Variants in TDRD5 observed in about 807,000 individuals in gnomAD.
The protein encoded by TDRD5 is tudor domain-containing protein 5.
TDRD5 carries 41 observed loss-of-function variants against 120.6 expected under a neutral mutation model. The observed-to-expected ratio is 0.34, with a 90% CI of 0.26 to 0.44. The LOEUF is 0.44. Ranked by LOEUF, TDRD5 falls within the 20% of genes least tolerant of loss-of-function variation. The pLI, the probability that TDRD5 is intolerant of heterozygous loss-of-function variation, is 1.00. For missense variants in TDRD5, 1,006 were observed against 1,221.2 expected (o/e 0.82, Z 2.63); for synonymous variants, 430 against 433.7 (o/e 0.99, Z 0.11).
chr1:179,649,476 A>C (rs1678592336), intron 11 of TDRD5, among the ~76,000 whole-genome samples: 1 of 152,008 alleles, frequency 6.6e-6, no homozygotes, highest in Admixed American at 6.5e-5. Flanking sequence ...AAAATACCTC[A>C]CACTTTACCA....
At chr1:179,625,277 T>G (rs1218197662) in intron 6 of TDRD5, among the ~76,000 whole-genome samples, 1 of 152,126 alleles carries the variant, frequency 6.6e-6, no homozygotes, top group Non-Finnish European at 1.5e-5. Context: ...AGGCAAAGCT[T>G]TCTTAGGACA....
chr1:179,592,448 C>A, intron 1 of TDRD5, 154 bp from the exon 2 acceptor site: 1 of 605,146 alleles, frequency 1.7e-6, no homozygotes, highest in South Asian at 2.0e-5. Context: ...AATCGCCCGG[C>A]CACGCGCAAG....
At chr1:179,607,919 G>T (rs926563372) in intron 4 of TDRD5, among the ~76,000 whole-genome samples, 1 of 151,796 alleles carries the variant, frequency 6.6e-6, no homozygotes, top group African/African-American at 2.4e-5. Flanking sequence ...TTTCTCTCCA[G>T]TATAATTTTC....
At chr1:179,602,424 T>C (rs1675764825) in intron 4 of TDRD5, among the ~76,000 whole-genome samples, 1 of 152,298 alleles carries the variant, frequency 6.6e-6, no homozygotes, top group Non-Finnish European at 1.5e-5. Flanking sequence ...TTCTTACTGA[T>C]GGGTTTTTGG....
rs74531667 is a variant in TDRD5, at chr1:179,617,379, T to C, written c.832-1220T>C. Among the ~76,000 whole-genome samples, 1,405 of 152,278 alleles carry C rather than the reference T, an allele frequency of 9.2e-3. 50 individuals carry two copies. The highest frequency in any genetic ancestry group is 0.064 in the East Asian group (329 of 5,178). ...ACACCATGTGCCAGGCATTATGTTATGCACTCTTCGTGCCTCATCACATTT... is the reference window on the plus strand; with the variant it reads ...ACACCATGTGCCAGGCATTATGTTACGCACTCTTCGTGCCTCATCACATTT... On this transcript the variant is annotated intron_variant, in intron 4 of 17. Transcript: ENST00000444136.
intron 4 of TDRD5, among the ~76,000 whole-genome samples, chr1:179,608,304 A>G (rs1158620781): frequency 2.0e-5 from 3 of 151,758 alleles, no homozygotes; most frequent in Non-Finnish European, 4.4e-5. Flanking sequence ...AGCTTCTTAT[A>G]TCATTGAGCT....
Position 179,635,789 on chromosome 1 carries a change from G to A in TDRD5, c.1422G>A (p.Gly474=). 1.2e-6 allele frequency: 2 copies of A among 1,613,988 alleles called. No individual in the cohort carries two copies. The highest frequency in any genetic ancestry group is 1.7e-6 in the Non-Finnish European group (2 of 1,180,000). Reference sequence around the variant, plus strand: ...CATTAGACACCAGTTCCCTCATAGGGGTCTTTGTGGAGTATATCATCTCTC... The same window carrying A: ...CATTAGACACCAGTTCCCTCATAGGAGTCTTTGTGGAGTATATCATCTCTC... ...LPPLDTSSLI[G]VFVEYIISPS... is the part of the protein sequence containing the mutation. Residue 474 remains glycine, a synonymous_variant, in exon 9 of 18, where the codon GGG becomes GGA. Coordinates refer to ENST00000444136, the MANE Select transcript of TDRD5 (RefSeq NM_001199085.3).
At chr1:179,642,544 C>T (rs558106876) in intron 11 of TDRD5, among the ~76,000 whole-genome samples, 1 of 152,302 alleles carries the variant, frequency 6.6e-6, no homozygotes, top group South Asian at 2.1e-4. Context: ...AAAAGGACTT[C>T]TTTGACCTGA....
Position 179,596,473 on chromosome 1 carries a change from G to A in TDRD5, c.831+655G>A, listed in dbSNP as rs146232629. Among the ~76,000 whole-genome samples, 340 of 152,182 alleles carry A rather than the reference G, an allele frequency of 2.2e-3. 6 individuals are homozygous for A. Among genetic ancestry groups the A allele is most frequent in the African/African-American group, 7.7e-3 (320 of 41,520 alleles). On this transcript the variant is annotated intron_variant, in intron 4 of 17. Coordinates refer to ENST00000444136, the MANE Select transcript of TDRD5 (RefSeq NM_001199085.3). ...ATCATCCCCAAAAAAGCTCCTTCAT[G>A]CCACTTTGTAGTTTCTTTCCCCAAC...
At chr1:179,667,038 C>T (rs913855714) in intron 16 of TDRD5, among the ~76,000 whole-genome samples, 1 of 152,132 alleles carries the variant, frequency 6.6e-6, no homozygotes, top group Non-Finnish European at 1.5e-5. Flanking sequence ...ATACAGGTCA[C>T]CTGGGAATCT....
chr1:179,663,141 T>A (rs999210991), intron 15 of TDRD5, among the ~76,000 whole-genome samples: 4 of 152,212 alleles, frequency 2.6e-5, no homozygotes, highest in African/African-American at 9.6e-5. Context: ...AGAGTTGTAT[T>A]TATTTTTGAG....
chr1:179,678,559 A>G (rs1434352485), intron 17 of TDRD5, among the ~76,000 whole-genome samples: 1 of 151,486 alleles, frequency 6.6e-6, no homozygotes, highest in East Asian at 2.0e-4. Flanking sequence ...ATCTTAATCG[A>G]CTATATTTAA....
At chr1:179,654,080 TA>T in intron 13 of TDRD5, 120 bp from the exon 14 acceptor site, 1 of 775,950 alleles carries the variant, frequency 1.3e-6, no homozygotes, top group Non-Finnish European at 1.9e-6. Context: ...GATAAAGCTA[TA>T]AAATAATGTA....
intron 17 of TDRD5, among the ~76,000 whole-genome samples, chr1:179,671,951 TG>T (rs1679877535): frequency 1.8e-5 from 1 of 56,588 alleles, no homozygotes; most frequent in South Asian, 4.7e-4. Context: ...TATTCCATGG[TG>T]TGTGTGTGTG....
chr1:179,687,149 A>G lies in TDRD5; in HGVS notation c.2861-3547A>G, dbSNP rs1266811750. On this transcript the variant is annotated intron_variant, in intron 17 of 17. Transcript: ENST00000444136. ...ATTGTGATGTTAGGGTGTCAATTTT[A>G]GATCTTTCCTGGTTTCTCTTGTGGG... Among the ~76,000 whole-genome samples, 3 of 152,096 alleles carry G rather than the reference A, an allele frequency of 2.0e-5. No individual in the cohort carries two copies. The South Asian group carries it at 6.2e-4, about 31-fold the overall frequency.
rs137985098 is a variant in TDRD5 at position 179,670,274 on chromosome 1, C to T, written c.2860+870C>T. 2.2e-3 allele frequency among the ~76,000 whole-genome samples: 336 copies of T among 152,004 alleles called. 5 individuals are homozygous for T. Among genetic ancestry groups the T allele is most frequent in the African/African-American group, 7.6e-3 (317 of 41,456 alleles). On this transcript the variant is annotated intron_variant, in intron 17 of 17. Coordinates refer to ENST00000444136, the MANE Select transcript of TDRD5 (RefSeq NM_001199085.3). ...ACACAGTGTCAGGAGCCTGTAATCC[C>T]AGCTACTTGGGGGAGGCTGAGGCAG...
chr1:179,614,093 AC>A (rs1451759083), intron 4 of TDRD5, among the ~76,000 whole-genome samples: 1 of 152,198 alleles, frequency 6.6e-6, no homozygotes, highest in Non-Finnish European at 1.5e-5. Context: ...TTTTTTTATT[AC>A]AAAAGTAATA....
intron 4 of TDRD5, among the ~76,000 whole-genome samples, chr1:179,599,535 CTT>C (rs536558776): frequency 5.0e-5 from 7 of 141,186 alleles, no homozygotes; most frequent in Admixed American, 7.0e-5. Flanking sequence ...TTTATGCTTT[CTT>C]TTTTTTTTTT....
At chr1:179,631,774 C>A (rs1297806953) in intron 7 of TDRD5, among the ~76,000 whole-genome samples, 2 of 150,674 alleles carry the variant, frequency 1.3e-5, no homozygotes, top group African/African-American at 2.4e-5. Flanking sequence ...TCTGATTTTA[C>A]CAGTTTTTCC....
Sources: allele counts gnomAD v4.1 joint callset (sites outside exome capture counted in the v4.1 genomes callset), GRCh38; gene constraint gnomAD v4.1.1; transcripts MANE v1.5; gene names NCBI Gene and HGNC (gene_info 2026-07-23, HGNC 2026-07-21).